The following PMF1 variants were observed in gnomAD, a reference collection of about 807,000 sequenced individuals.
PMF1 encodes the protein polyamine modulated factor 1, also known as polyamine-modulated factor 1.
In PMF1, 21 loss-of-function variants were observed where a neutral mutation model predicts 26.7. That is an observed-to-expected ratio of 0.79 (90% CI 0.56 to 1.13). PMF1 has a LOEUF of 1.13. Ranked by LOEUF, PMF1 falls within the 50% of genes most tolerant of loss-of-function variation. The pLI is 0.00. For missense variants in PMF1, 266 were observed against 254.9 expected (o/e 1.04, Z -0.30); for synonymous variants, 105 against 101.0 (o/e 1.04, Z -0.24).
chr1:156,221,240 C>G (rs932291550), intron 1 of PMF1, among the ~76,000 whole-genome samples: 6 of 152,196 alleles, frequency 3.9e-5, no homozygotes, highest in Admixed American at 6.5e-5. Context: ...CGGGCTACCT[C>G]TTGTGCCCTG....
chr1:156,227,131 G>T (rs957501736), intron 1 of PMF1, among the ~76,000 whole-genome samples: 2 of 152,178 alleles, frequency 1.3e-5, no homozygotes, highest in African/African-American at 4.8e-5. Flanking sequence ...CATTGCAGAC[G>T]GCATCCTTGT....
At chr1:156,221,838 G>T (rs1436999624) in intron 1 of PMF1, among the ~76,000 whole-genome samples, 1 of 152,148 alleles carries the variant, frequency 6.6e-6, no homozygotes, top group East Asian at 1.9e-4. Context: ...TCATTGGCCT[G>T]TCCATCCCTT....
intron 3 of PMF1, 140 bp from the exon 4 acceptor site, chr1:156,236,148 G>A: frequency 9.0e-7 from 1 of 1,112,828 alleles, no homozygotes; most frequent in Admixed American, 2.4e-5. Context: ...GGAGGTGAGA[G>A]GGACCACAGG....
At position 156,236,398 on chromosome 1, in the gene PMF1, A is replaced by G. The variant is rs764380670; in HGVS notation, c.479A>G (p.Gln160Arg). Residue 160 changes from glutamine to arginine, a missense_variant, in exon 4 of 5, where the codon CAG becomes CGG. Gln to Arg is a conservative substitution (Grantham distance 43, BLOSUM62 1). Transcript: ENST00000368277. ...GTGCAGAAACAGGAGGCCGAGAACC[A>G]GCAGCTGGCAGATGCCGTCCTGGCA... Reference protein sequence around the residue: ...RHVQKQEAENQQLADAVLAGR... With the variant: ...RHVQKQEAENRQLADAVLAGR... 3 of 1,614,194 alleles carry G rather than the reference A, an allele frequency of 1.9e-6. No individual in the cohort carries two copies. The highest frequency in any genetic ancestry group is 2.5e-6 in the Non-Finnish European group (3 of 1,180,014).
intron 1 of PMF1, among the ~76,000 whole-genome samples, chr1:156,228,256 ATTTTTTTTTTTTTTTT>A (rs772709878): frequency 6.0e-4 from 20 of 33,568 alleles, no homozygotes; most frequent in South Asian, 2.7e-3. Context: ...GCACCTGGCG[ATTTTTTTTTTTTTTTT>A]TTTTTTTTTT....
chr1:156,214,894 T>A (rs1168962111), intron 1 of PMF1, among the ~76,000 whole-genome samples: 1 of 151,320 alleles, frequency 6.6e-6, no homozygotes, highest in African/African-American at 2.4e-5. Flanking sequence ...ATTTTTTTTT[T>A]TTAGGCAGTG....
chr1:156,228,256 A>ATTTGTTTTTT (rs1658489554), intron 1 of PMF1, among the ~76,000 whole-genome samples: 1 of 33,544 alleles, frequency 3.0e-5, no homozygotes, highest in African/African-American at 1.0e-4. Flanking sequence ...GCACCTGGCG[A>ATTTGTTTTTT]TTTTTTTTTT....
At chr1:156,216,773 G>A (rs1278765704) in intron 1 of PMF1, among the ~76,000 whole-genome samples, 1 of 152,016 alleles carries the variant, frequency 6.6e-6, no homozygotes, top group Non-Finnish European at 1.5e-5. Context: ...CGTCTCCGCT[G>A]GGTTGTCCGC....
intron 1 of PMF1, among the ~76,000 whole-genome samples, chr1:156,214,441 G>T (rs1657571199): frequency 6.6e-6 from 1 of 152,122 alleles, no homozygotes; most frequent in African/African-American, 2.4e-5. Flanking sequence ...CATAATTAAT[G>T]ATTTGTCTTC....
rs367865962 is a variant in PMF1 at position 156,236,435 on chromosome 1, G to A, written c.516G>A (p.Gln172=). The stretch of plus-strand genomic sequence containing the variant: ...ATGCCGTCCTGGCAGGGCGGAGGCA[G>A]GTGGAGGAGCTGCAGCTACAGGTCC... ...LADAVLAGRR[Q]VEELQLQVQA... is the part of the protein sequence containing the mutation. The change falls in exon 4 of 5, where the codon CAG becomes CAA. Residue 172 remains glutamine (Q), a synonymous_variant. Transcript: ENST00000368277. 3 of 1,614,106 alleles carry A rather than the reference G, an allele frequency of 1.9e-6. No individual in the cohort carries two copies. In the South Asian group the frequency reaches 3.3e-5, roughly 18 times the overall value.
At chr1:156,232,995 C>G (rs1046241407) in intron 2 of PMF1, among the ~76,000 whole-genome samples, 1 of 148,442 alleles carries the variant, frequency 6.7e-6, no homozygotes, top group East Asian at 2.0e-4. Context: ...TCTCAGCTCA[C>G]TGCAGCCTCT....
At chr1:156,229,695 C>T (rs764247954) in intron 1 of PMF1, among the ~76,000 whole-genome samples, 70 of 151,754 alleles carry the variant, frequency 4.6e-4, no homozygotes, top group Non-Finnish European at 1.5e-4. Flanking sequence ...CTCAGCCTCC[C>T]GAGTAGCTGG....
In PMF1 at chr1:156,233,503, A is replaced by C. The variant is rs543218082; in HGVS notation, c.268-125A>C. 11 of 895,616 alleles carry C rather than the reference A, an allele frequency of 1.2e-5. No individual in the cohort carries two copies. In the South Asian group the frequency reaches 1.7e-4, roughly 14 times the overall value. 55.5% of individuals were successfully genotyped at this position (895,616 alleles called of 1,614,324 possible). A position where few individuals can be genotyped will look rare whatever the true frequency, so the allele number is the denominator to read the frequency against. On this transcript the variant is annotated intron_variant, in intron 2 of 4. Coordinates refer to ENST00000368277, the MANE Select transcript of PMF1 (RefSeq NM_007221.4). ...CCACATGTAGAAAAGTTGGAATGTC[A>C]GGGAAAGCATAAAGACCTAGAACAG...
At chr1:156,220,260 G>C (rs928824300) in intron 1 of PMF1, among the ~76,000 whole-genome samples, 29 of 151,144 alleles carry the variant, frequency 1.9e-4, no homozygotes, top group African/African-American at 6.6e-4. Context: ...CACCATGCCC[G>C]GCCTGCCCAT....
Position 156,239,631 on chromosome 1 carries a change from A to C in PMF1, c.*30A>C. 1 of 1,600,866 alleles carries C rather than the reference A, an allele frequency of 6.2e-7. No individual in the cohort carries two copies. The highest frequency in any genetic ancestry group is 1.1e-5 in the South Asian group (1 of 90,578). On this transcript the variant is annotated 3_prime_UTR_variant, in exon 5 of 5. Transcript: ENST00000368277. Reference sequence around the variant, plus strand: ...ACCGCCAGCCCCAGAAGCAGAGGGCAGTCAAGGTCAAGAGCCTGTGGTCCA... The same window carrying C: ...ACCGCCAGCCCCAGAAGCAGAGGGCCGTCAAGGTCAAGAGCCTGTGGTCCA...
At chr1:156,219,277 C>A (rs895387791) in intron 1 of PMF1, among the ~76,000 whole-genome samples, 3 of 152,162 alleles carry the variant, frequency 2.0e-5, no homozygotes, top group African/African-American at 7.2e-5. Context: ...CAAAGATAAT[C>A]TCCAGTGTTT....
At chr1:156,221,761 C>G (rs1049492563) in intron 1 of PMF1, among the ~76,000 whole-genome samples, 1 of 152,232 alleles carries the variant, frequency 6.6e-6, no homozygotes, top group Non-Finnish European at 1.5e-5. Flanking sequence ...TCTTCCCTTC[C>G]TGTGATCCCT....
At chr1:156,228,085 C>T (rs1658474523) in intron 1 of PMF1, among the ~76,000 whole-genome samples, 1 of 151,764 alleles carries the variant, frequency 6.6e-6, no homozygotes, top group Admixed American at 6.6e-5. Flanking sequence ...CAGACATGCG[C>T]TACCACACCC....
chr1:156,229,984 G>A (rs575812021), intron 1 of PMF1, among the ~76,000 whole-genome samples: 5 of 152,344 alleles, frequency 3.3e-5, no homozygotes, highest in African/African-American at 9.6e-5. Context: ...CTCTCTTGCA[G>A]GCCACTGTGA....
Sources: gnomAD v4.1 joint callset for allele counts (sites outside exome capture counted in the v4.1 genomes callset) on GRCh38, gnomAD v4.1.1 for gene constraint, MANE v1.5 for transcripts, NCBI Gene and HGNC (gene_info 2026-07-23, HGNC 2026-07-21) for gene names.